The following TBC1D1 variants were observed in gnomAD, a reference collection of about 807,000 sequenced individuals.
The protein encoded by TBC1D1 is TBC1 domain family member 1, also known as TBC1 (tre-2/USP6, BUB2, cdc16) domain family, member 1.
TBC1D1 carries 89 observed loss-of-function variants against 125.6 expected under a neutral mutation model. That is an observed-to-expected ratio of 0.71 (90% CI 0.60 to 0.85). The LOEUF (loss-of-function observed/expected upper bound fraction) is 0.85. Ranked by LOEUF, TBC1D1 falls within the 40% of genes least tolerant of loss-of-function variation. TBC1D1 has a pLI of 0.00. For synonymous variants in TBC1D1, 565 were observed against 564.1 expected, an observed-to-expected ratio of 1.00 and a Z score of -0.02; for missense variants, 1,377 against 1,469.2, an observed-to-expected ratio of 0.94 and a Z score of 1.03.
At chr4:37,935,716 A>G (rs1724247164) in intron 2 of TBC1D1, among the ~76,000 whole-genome samples, 1 of 152,184 alleles carries the variant, frequency 6.6e-6, no homozygotes, top group African/African-American at 2.4e-5. Flanking sequence ...AAGCTCTTGC[A>G]TGGATTCCGA....
chr4:37,897,981 C>T (rs1368082236), intron 1 of TBC1D1, among the ~76,000 whole-genome samples: 5 of 152,130 alleles, frequency 3.3e-5, no homozygotes, highest in African/African-American at 1.2e-4. Context: ...AATGCCTGAG[C>T]TGTAAATAAA....
At chr4:38,058,434 C>T (rs1199386335) in intron 12 of TBC1D1, among the ~76,000 whole-genome samples, 2 of 152,234 alleles carry the variant, frequency 1.3e-5, no homozygotes, top group South Asian at 2.1e-4. Flanking sequence ...GCACAAGACT[C>T]TGTTCCTGAT....
At chr4:38,082,138 T>C (rs1756674521) in intron 12 of TBC1D1, among the ~76,000 whole-genome samples, 4 of 152,216 alleles carry the variant, frequency 2.6e-5, no homozygotes, top group Admixed American at 1.3e-4. Context: ...TAAGTCATTT[T>C]CCAGTGTCCC....
chr4:38,060,685 T>C, intron 12 of TBC1D1: 1 of 1,277,822 alleles, frequency 7.8e-7, no homozygotes, highest in Non-Finnish European at 1.0e-6. Flanking sequence ...CAGTCTCATC[T>C]GTCAGATGAA....
At chr4:37,909,574 A>G (rs1718103769) in intron 2 of TBC1D1, among the ~76,000 whole-genome samples, 2 of 152,220 alleles carry the variant, frequency 1.3e-5, no homozygotes, top group African/African-American at 2.4e-5. Flanking sequence ...ATTACAACAC[A>G]GAGCTAGAGC....
intron 13 of TBC1D1, among the ~76,000 whole-genome samples, chr4:38,090,840 C>T (rs868410012): frequency 3.3e-5 from 5 of 152,308 alleles, no homozygotes; most frequent in Middle Eastern, 3.4e-3. Context: ...GAAGATGTAG[C>T]AGATGGTTCA....
intron 2 of TBC1D1, among the ~76,000 whole-genome samples, chr4:37,928,554 T>C (rs533174023): frequency 6.6e-6 from 1 of 152,338 alleles, no homozygotes; most frequent in East Asian, 1.9e-4. Context: ...TTGAACAGCT[T>C]GTCTGGATTG....
chr4:37,916,725 G>T (rs1441202270), intron 2 of TBC1D1, among the ~76,000 whole-genome samples: 1 of 152,000 alleles, frequency 6.6e-6, no homozygotes, highest in Non-Finnish European at 1.5e-5. Flanking sequence ...AACAACGGGA[G>T]GGCTGATGTT....
intron 2 of TBC1D1, among the ~76,000 whole-genome samples, chr4:37,989,302 G>A (rs1414071577): frequency 1.3e-5 from 2 of 152,066 alleles, no homozygotes; most frequent in South Asian, 2.1e-4. Flanking sequence ...AGATAATAAC[G>A]CTTTCAACTA....
At chr4:37,945,050 G>A (rs1476148562) in intron 2 of TBC1D1, among the ~76,000 whole-genome samples, 1 of 152,072 alleles carries the variant, frequency 6.6e-6, no homozygotes, top group Non-Finnish European at 1.5e-5. Context: ...GCTCTGGACT[G>A]GACTTTTTGT....
intron 3 of TBC1D1, among the ~76,000 whole-genome samples, chr4:38,015,679 A>G (rs1742565358): frequency 6.6e-6 from 1 of 152,160 alleles, no homozygotes; most frequent in Non-Finnish European, 1.5e-5. Flanking sequence ...TGGAAGAGCT[A>G]GTTTCTTCCT....
chr4:37,942,275 T>C (rs1046283492), intron 2 of TBC1D1, among the ~76,000 whole-genome samples: 4 of 152,204 alleles, frequency 2.6e-5, no homozygotes, highest in African/African-American at 9.6e-5. Flanking sequence ...TACCATTATG[T>C]AATGGCCTTC....
At chr4:37,905,758 T>C (rs1000112634) in intron 2 of TBC1D1, among the ~76,000 whole-genome samples, 6 of 152,272 alleles carry the variant, frequency 3.9e-5, no homozygotes, top group Admixed American at 2.6e-4. Context: ...TCGCTTTGAC[T>C]GGACCACTTC....
At chr4:37,989,462 T>C (rs1238434255) in intron 2 of TBC1D1, among the ~76,000 whole-genome samples, 4 of 152,234 alleles carry the variant, frequency 2.6e-5, no homozygotes, top group East Asian at 3.8e-4. Context: ...AAGCAAGCTA[T>C]AGCCCCGACC....
chr4:37,927,024 C>T (rs1040091173), intron 2 of TBC1D1, among the ~76,000 whole-genome samples: 1 of 152,122 alleles, frequency 6.6e-6, no homozygotes, highest in African/African-American at 2.4e-5. Context: ...GTGGCTGAGA[C>T]ATGAGAGTCA....
chr4:37,933,050 T>TA (rs34363887), intron 2 of TBC1D1, among the ~76,000 whole-genome samples: 18,063 of 144,520 alleles, frequency 0.12, 1,394 homozygotes, highest in Admixed American at 0.21. Context: ...AGACTCCATT[T>TA]AAAAACAAAA....
intron 2 of TBC1D1, among the ~76,000 whole-genome samples, chr4:37,925,688 A>G (rs933230524): frequency 6.6e-6 from 1 of 151,476 alleles, no homozygotes; most frequent in African/African-American, 2.4e-5. Context: ...TCTCAAAAAA[A>G]AAAAAAAAAG....
At chr4:38,018,988 T>C (rs1743423053) in intron 4 of TBC1D1, among the ~76,000 whole-genome samples, 1 of 152,142 alleles carries the variant, frequency 6.6e-6, no homozygotes, top group Non-Finnish European at 1.5e-5. Context: ...ATTGTCAGTA[T>C]TCTCCCTTCA....
intron 2 of TBC1D1, among the ~76,000 whole-genome samples, chr4:37,987,289 C>T (rs967208646): frequency 4.6e-5 from 7 of 151,592 alleles, no homozygotes; most frequent in Non-Finnish European, 7.4e-5. Flanking sequence ...TTTCCTCCTT[C>T]CACTTTTTTT....
Sources: gnomAD v4.1 joint callset for allele counts (sites outside exome capture counted in the v4.1 genomes callset) on GRCh38, gnomAD v4.1.1 for gene constraint, MANE v1.5 for transcripts, NCBI Gene and HGNC (gene_info 2026-07-23, HGNC 2026-07-21) for gene names.